The following ZKSCAN1 variants were observed in gnomAD, a reference collection of about 807,000 sequenced individuals.
ZKSCAN1 encodes the protein zinc finger with KRAB and SCAN domains 1.
In ZKSCAN1, 14 loss-of-function variants were observed where a neutral mutation model predicts 51.6. The ratio of observed to expected loss-of-function variants is 0.27; its 90% CI spans 0.18 to 0.42. The LOEUF (loss-of-function observed/expected upper bound fraction) is 0.42, where lower values mean the gene tolerates loss of function less well. ZKSCAN1 is among the 10% of genes least tolerant of loss of function. The pLI, the probability that ZKSCAN1 is intolerant of heterozygous loss-of-function variation, is 1.00. For missense variants in ZKSCAN1, 531 were observed against 710.0 expected (o/e 0.75, Z 2.86); for synonymous variants, 263 against 261.5 (o/e 1.01, Z -0.06).
rs1791347564 is a variant in ZKSCAN1, at chr7:100,036,015, C to A, written c.*1818C>A. On this transcript the variant is annotated 3_prime_UTR_variant, in exon 6 of 6. Coordinates refer to ENST00000324306, the MANE Select transcript of ZKSCAN1 (RefSeq NM_003439.4). ...AACCCCATATATAGTTTGAGACTTT[C>A]CCTTGAGAAACTTATACTAAAACTA... 18 of 985,454 alleles carry A rather than the reference C, an allele frequency of 1.8e-5. No homozygotes were observed. Among genetic ancestry groups the A allele is most frequent in the Non-Finnish European group, 2.2e-5 (18 of 829,936 alleles). The allele number at this position is 985,454 out of a possible 1,614,324, so 61.0% of individuals were successfully genotyped here. A position where few individuals can be genotyped will look rare whatever the true frequency, so the allele number is the denominator to read the frequency against.
chr7:100,040,243 A>G lies in ZKSCAN1; in HGVS notation c.*6046A>G, dbSNP rs896821734. 19 of 985,304 alleles carry G rather than the reference A, an allele frequency of 1.9e-5. No individual in the cohort carries two copies. The African/African-American group carries it at 2.6e-4, about 14-fold the overall frequency. 61.0% of individuals were successfully genotyped at this position (985,304 alleles called of 1,614,324 possible). Reference sequence around the variant, plus strand: ...TGTGTGGTTCCATTTAATAGCGGACACCACCCCAATCTCATGTTTTCCTGT... The same window carrying G: ...TGTGTGGTTCCATTTAATAGCGGACGCCACCCCAATCTCATGTTTTCCTGT... On this transcript the variant is annotated 3_prime_UTR_variant, in exon 6 of 6. Transcript: ENST00000324306.
In ZKSCAN1 at chr7:100,034,448, A is replaced by G; in HGVS notation, c.*251A>G. 1 of 1,227,952 alleles carries G rather than the reference A, an allele frequency of 8.1e-7. No homozygotes were observed. The highest frequency in any genetic ancestry group is 3.2e-5 in the South Asian group (1 of 31,252). 76.1% of individuals were successfully genotyped at this position (1,227,952 alleles called of 1,614,324 possible). On this transcript the variant is annotated 3_prime_UTR_variant, in exon 6 of 6. Transcript: ENST00000324306. ...CCACGTGAGATTTCCACACAAGAGA[A>G]AAGCACACGCATAGTGAAATGTCAG...
chr7:100,018,672 C>T (rs1790475681), intron 1 of ZKSCAN1, among the ~76,000 whole-genome samples: 1 of 152,200 alleles, frequency 6.6e-6, no homozygotes, highest in African/African-American at 2.4e-5. Flanking sequence ...CAGGCATGAG[C>T]CACTGCGCCC....
intron 1 of ZKSCAN1, among the ~76,000 whole-genome samples, chr7:100,021,103 T>TC (rs1790567882): frequency 6.7e-6 from 1 of 149,040 alleles, no homozygotes; most frequent in African/African-American, 2.4e-5. Context: ...TTTCCAAGTT[T>TC]CTTTTTTTTT....
chr7:100,018,989 G>T (rs559197750), intron 1 of ZKSCAN1, among the ~76,000 whole-genome samples: 1 of 152,328 alleles, frequency 6.6e-6, no homozygotes, highest in African/African-American at 2.4e-5. Flanking sequence ...AATAGCTAAG[G>T]CAGGATAAAA....
Position 100,029,948 on chromosome 7 carries a change from C to A in ZKSCAN1, c.668C>A (p.Ser223Tyr). 6.2e-7 allele frequency: 1 copy of A among 1,614,118 alleles called. No individual in the cohort carries two copies. The highest frequency in any genetic ancestry group is 8.5e-7 in the Non-Finnish European group (1 of 1,179,986). ...AMASALFTAD[S>Y]QAMVKIEDMA... Reference sequence around the variant, plus strand: ...GCATCTGCACTATTCACAGCGGATTCCCAGGTGAGCTGTGGCCCCTCTGCT... The same window carrying A: ...GCATCTGCACTATTCACAGCGGATTACCAGGTGAGCTGTGGCCCCTCTGCT... The change falls in exon 4 of 6, where the codon TCC (serine) becomes TAC (tyrosine). Residue 223 changes from serine to tyrosine, a missense_variant. Transcript: ENST00000324306.
chr7:100,022,824 ACATT>A (rs1223386883), intron 1 of ZKSCAN1, among the ~76,000 whole-genome samples: 3 of 152,170 alleles, frequency 2.0e-5, no homozygotes, highest in Non-Finnish European at 2.9e-5. Context: ...CACTCTGCTA[ACATT>A]CAGCTCTCTG....
At position 100,037,934 on chromosome 7, in the gene ZKSCAN1, G is replaced by C. The variant is rs2115972692; in HGVS notation, c.*3737G>C. The C allele has an allele frequency of 7.2e-6, 6 of 830,952 alleles. No individual in the cohort carries two copies. The highest frequency in any genetic ancestry group is 8.7e-6 in the Non-Finnish European group (6 of 689,552). The allele number at this position is 830,952 out of a possible 1,614,324, so 51.5% of individuals were successfully genotyped here. A position where few individuals can be genotyped will look rare whatever the true frequency, so the allele number is the denominator to read the frequency against. ...ACTCGGGAGGCTGAGGCAGGAGAATGGCTTGAACCTGCGAGGCGGAGGTTG... is the reference window on the plus strand; with the variant it reads ...ACTCGGGAGGCTGAGGCAGGAGAATCGCTTGAACCTGCGAGGCGGAGGTTG... On this transcript the variant is annotated 3_prime_UTR_variant, in exon 6 of 6. Transcript: ENST00000324306.
At position 100,041,626 on chromosome 7, in the gene ZKSCAN1, TTC is replaced by T. The variant is rs1298731566; in HGVS notation, c.*7433_*7434del. 1.0e-6 allele frequency: 1 copy of T among 985,290 alleles called. No homozygotes were observed. The highest frequency in any genetic ancestry group is 1.2e-6 in the Non-Finnish European group (1 of 829,920). 61.0% of individuals were successfully genotyped at this position (985,290 alleles called of 1,614,324 possible). ...AAGGAAATTGTGGGGATTTGAAATA[TTC>T]TCTTTATGTTGTTTCTCTTCTGAGT... is the stretch of plus-strand genomic sequence containing the variant. On this transcript the variant is annotated 3_prime_UTR_variant, in exon 6 of 6. Coordinates refer to ENST00000324306, the MANE Select transcript of ZKSCAN1 (RefSeq NM_003439.4).
chr7:100,036,258 A>G lies in ZKSCAN1; in HGVS notation c.*2061A>G. ...TTGCAAGTCAACCAGTCACTAGGAT[A>G]TTTCTACCCATGCAACGGAAGAAAA... On this transcript the variant is annotated 3_prime_UTR_variant, in exon 6 of 6. Coordinates refer to ENST00000324306, the MANE Select transcript of ZKSCAN1 (RefSeq NM_003439.4). 2 of 985,434 alleles carry G rather than the reference A, an allele frequency of 2.0e-6. No individual in the cohort carries two copies. Among genetic ancestry groups the G allele is most frequent in the Admixed American group, 1.2e-4 (2 of 16,274 alleles). The allele number at this position is 985,434 out of a possible 1,614,324, so 61.0% of individuals were successfully genotyped here.
chr7:100,030,134 T>C, intron 4 of ZKSCAN1, 115 bp from the exon 5 acceptor site: 2 of 1,513,654 alleles, frequency 1.3e-6, no homozygotes, highest in African/African-American at 2.8e-5. Context: ...TGGCCACCCT[T>C]TTCTTCCCAG....
downstream of ZKSCAN1, among the ~76,000 whole-genome samples, chr7:100,043,771 ATTTTTTTTT>A (rs772298225): frequency 2.4e-4 from 14 of 58,920 alleles, no homozygotes; most frequent in African/African-American, 7.1e-4. Context: ...TTCTTTCTTG[ATTTTTTTTT>A]TTTTTTTTTT....
intron 5 of ZKSCAN1, among the ~76,000 whole-genome samples, chr7:100,031,075 G>A (rs982802257): frequency 6.6e-6 from 1 of 152,118 alleles, no homozygotes; most frequent in East Asian, 1.9e-4. Context: ...TAACCCCTCA[G>A]GACAGTGCTG....
At position 100,034,568 on chromosome 7, in the gene ZKSCAN1, A is replaced by G. The variant is rs535242401; in HGVS notation, c.*371A>G. On this transcript the variant is annotated 3_prime_UTR_variant, in exon 6 of 6. Coordinates refer to ENST00000324306, the MANE Select transcript of ZKSCAN1 (RefSeq NM_003439.4). Reference sequence around the variant, plus strand: ...GATCAAGATTGGCTCCACGAAAGTGATACGGAGGTTAGGATGCTACTTGCT... The same window carrying G: ...GATCAAGATTGGCTCCACGAAAGTGGTACGGAGGTTAGGATGCTACTTGCT... The G allele has an allele frequency of 1.1e-5, 11 of 1,006,736 alleles. No homozygotes were observed. In the African/African-American group the frequency reaches 1.6e-4, roughly 14 times the overall value. 62.4% of individuals were successfully genotyped at this position (1,006,736 alleles called of 1,614,324 possible).
chr7:100,023,396 A>G, intron 1 of ZKSCAN1, 23 bp from the exon 2 acceptor site: 1 of 1,285,992 alleles, frequency 7.8e-7, no homozygotes, highest in Non-Finnish European at 1.1e-6. Flanking sequence ...GTACGTACTA[A>G]TGACTTTTTT....
chr7:100,030,485 A>T (rs1030726595), intron 5 of ZKSCAN1, 110 bp downstream of exon 5: 6 of 1,334,698 alleles, frequency 4.5e-6, no homozygotes, highest in African/African-American at 1.5e-5. Context: ...GAGACTACCT[A>T]TCCCCTTTTG....
intron 3 of ZKSCAN1, among the ~76,000 whole-genome samples, chr7:100,026,230 C>CAAA (rs58408632): frequency 7.6e-4 from 36 of 47,306 alleles, no homozygotes; most frequent in East Asian, 1.8e-3. Flanking sequence ...AAACTCATCT[C>CAAA]AAAAAAAAAA....
At chr7:100,028,794 C>CAAAA (rs56779174) in intron 3 of ZKSCAN1, among the ~76,000 whole-genome samples, 1 of 83,056 alleles carries the variant, frequency 1.2e-5, no homozygotes. Context: ...TACATCTTAT[C>CAAAA]AAAAAAAAAA....
Position 100,036,353 on chromosome 7 carries a change from C to G in ZKSCAN1, c.*2156C>G. On this transcript the variant is annotated 3_prime_UTR_variant, in exon 6 of 6. Coordinates refer to ENST00000324306, the MANE Select transcript of ZKSCAN1 (RefSeq NM_003439.4). ...CAGAAAATGTTTTAAGGATTTTCTT[C>G]AAAGAATAAGCCACAGCAATGGTTT... is the stretch of plus-strand genomic sequence containing the variant. 1.0e-6 allele frequency: 1 copy of G among 985,338 alleles called. No individual in the cohort carries two copies. Among genetic ancestry groups the G allele is most frequent in the Non-Finnish European group, 1.2e-6 (1 of 829,908 alleles). The allele number at this position is 985,338 out of a possible 1,614,324, so 61.0% of individuals were successfully genotyped here. A position where few individuals can be genotyped will look rare whatever the true frequency, so the allele number is the denominator to read the frequency against.
Sources: allele counts gnomAD v4.1 joint callset (sites outside exome capture counted in the v4.1 genomes callset), GRCh38; gene constraint gnomAD v4.1.1; transcripts MANE v1.5; gene names NCBI Gene and HGNC (gene_info 2026-07-23, HGNC 2026-07-21).